Variants in TMEM117 observed in about 807,000 individuals in gnomAD.
TMEM117 encodes the protein transmembrane protein 117.
A neutral mutation model predicts 52.4 loss-of-function variants in TMEM117; 27 were observed. The observed-to-expected ratio is 0.51, with a 90% confidence interval of 0.38 to 0.71. TMEM117 has a LOEUF of 0.71. TMEM117 is among the 30% of genes least tolerant of loss of function. The pLI is 0.00. For synonymous variants in TMEM117, 215 were observed against 206.3 expected (o/e 1.04, Z -0.36); for missense variants, 556 against 630.5 (o/e 0.88, Z 1.26).
intron 4 of TMEM117, among the ~76,000 whole-genome samples, chr12:44,207,421 A>G (rs1949583900): frequency 6.6e-6 from 1 of 152,218 alleles, no homozygotes; most frequent in African/African-American, 2.4e-5. Flanking sequence ...CAGAATGTCA[A>G]TTAATACTCA....
At chr12:44,201,680 C>T (rs544823513) in intron 4 of TMEM117, among the ~76,000 whole-genome samples, 2 of 152,238 alleles carry the variant, frequency 1.3e-5, no homozygotes, top group African/African-American at 2.4e-5. Context: ...GGAATGCCTC[C>T]AGTTTCTTAA....
At chr12:44,298,058 A>T (rs1404117196) in intron 5 of TMEM117, among the ~76,000 whole-genome samples, 1 of 142,918 alleles carries the variant, frequency 7.0e-6, no homozygotes, top group Non-Finnish European at 1.5e-5. Flanking sequence ...CTAAAATTTT[A>T]AAAAATAATG....
At chr12:43,881,082 G>A (rs957368193) in intron 2 of TMEM117, among the ~76,000 whole-genome samples, 12 of 152,276 alleles carry the variant, frequency 7.9e-5, no homozygotes, top group Non-Finnish European at 1.5e-4. Flanking sequence ...TTATACACAT[G>A]ACATGTACTA....
chr12:43,975,664 G>A (rs1376462141), intron 3 of TMEM117, among the ~76,000 whole-genome samples: 1 of 152,186 alleles, frequency 6.6e-6, no homozygotes, highest in African/African-American at 2.4e-5. Flanking sequence ...CATAGGATTA[G>A]TGTGGTGATT....
At chr12:44,255,024 T>C (rs1254032362) in intron 5 of TMEM117, among the ~76,000 whole-genome samples, 1 of 152,220 alleles carries the variant, frequency 6.6e-6, no homozygotes, top group African/African-American at 2.4e-5. Context: ...TTCCATGGTG[T>C]ATATATGCCA....
At chr12:43,925,609 C>T (rs1363002212) in intron 2 of TMEM117, among the ~76,000 whole-genome samples, 5 of 152,156 alleles carry the variant, frequency 3.3e-5, no homozygotes, top group African/African-American at 1.2e-4. Flanking sequence ...AGGGTTTCCA[C>T]ATTTATAAGC....
rs140228044 is a variant in TMEM117 at position 44,280,660 on chromosome 12, A to C, written c.609-18920A>C. ...GGGCAGAGGTCATTCCCATGTCTCTATATTTTAGCTCTGTGTCTTTATCAT... is the reference window on the plus strand; with the variant it reads ...GGGCAGAGGTCATTCCCATGTCTCTCTATTTTAGCTCTGTGTCTTTATCAT... On this transcript the variant is annotated intron_variant, in intron 5 of 7. Transcript: ENST00000266534. Among the ~76,000 whole-genome samples the C allele has an allele frequency of 1.5e-3, 231 of 152,238 alleles. 3 individuals carry two copies. Among genetic ancestry groups the C allele is most frequent in the African/African-American group, 5.2e-3 (216 of 41,528 alleles).
At chr12:43,840,273 A>G (rs1332850255) in intron 1 of TMEM117, among the ~76,000 whole-genome samples, 2 of 152,190 alleles carry the variant, frequency 1.3e-5, no homozygotes, top group Non-Finnish European at 2.9e-5. Context: ...CTCTGTTGCA[A>G]TATTTGTAAA....
At chr12:44,380,778 T>C (rs1189672742) in intron 7 of TMEM117, among the ~76,000 whole-genome samples, 1 of 152,196 alleles carries the variant, frequency 6.6e-6, no homozygotes, top group Non-Finnish European at 1.5e-5. Context: ...CCAGAGATTG[T>C]CTTTCCTATT....
At chr12:44,153,408 T>C (rs1055842577) in intron 4 of TMEM117, among the ~76,000 whole-genome samples, 9 of 151,618 alleles carry the variant, frequency 5.9e-5, no homozygotes, top group African/African-American at 2.2e-4. Flanking sequence ...TTTGGTTCAA[T>C]TTTTTTTTCT....
chr12:43,948,016 G>T (rs192454360), intron 3 of TMEM117, among the ~76,000 whole-genome samples: 1 of 152,092 alleles, frequency 6.6e-6, no homozygotes, highest in Non-Finnish European at 1.5e-5. Context: ...TATCTAGACC[G>T]GAACCTCAAG....
intron 4 of TMEM117, among the ~76,000 whole-genome samples, chr12:44,191,050 C>T (rs1949346169): frequency 6.6e-6 from 1 of 151,666 alleles, no homozygotes; most frequent in Non-Finnish European, 1.5e-5. Context: ...TTAATTAACT[C>T]ACAACTCAGC....
intron 2 of TMEM117, among the ~76,000 whole-genome samples, chr12:43,931,038 A>G (rs539898721): frequency 1.3e-5 from 2 of 152,352 alleles, no homozygotes; most frequent in South Asian, 4.1e-4. Flanking sequence ...TTCACTGAGT[A>G]ATGATCACCA....
chr12:43,936,958 G>A (rs554406562), intron 2 of TMEM117, among the ~76,000 whole-genome samples: 1 of 152,228 alleles, frequency 6.6e-6, no homozygotes, highest in Admixed American at 6.5e-5. Context: ...CTCAGAGGTG[G>A]AGAAAAAAGA....
chr12:44,223,991 C>T (rs570246217), intron 5 of TMEM117, among the ~76,000 whole-genome samples: 2 of 152,276 alleles, frequency 1.3e-5, no homozygotes, highest in African/African-American at 4.8e-5. Flanking sequence ...TTTATTAACT[C>T]TGTGTGGGCT....
chr12:44,200,051 G>A (rs1949473964), intron 4 of TMEM117, among the ~76,000 whole-genome samples: 1 of 152,138 alleles, frequency 6.6e-6, no homozygotes, highest in African/African-American at 2.4e-5. Flanking sequence ...CCCTGGAGAT[G>A]GAGGTTGCAG....
At chr12:44,212,964 A>G (rs899176566) in intron 5 of TMEM117, among the ~76,000 whole-genome samples, 5 of 152,148 alleles carry the variant, frequency 3.3e-5, no homozygotes, top group Non-Finnish European at 7.4e-5. Context: ...TGGATTTTCA[A>G]TACTGTTATG....
At chr12:43,895,727 C>G (rs1316524661) in intron 2 of TMEM117, among the ~76,000 whole-genome samples, 1 of 152,124 alleles carries the variant, frequency 6.6e-6, no homozygotes, top group Non-Finnish European at 1.5e-5. Context: ...CTCTTTGTTT[C>G]CAGGGCAGTG....
At chr12:44,106,769 A>G (rs1161146578) in intron 3 of TMEM117, among the ~76,000 whole-genome samples, 1 of 152,028 alleles carries the variant, frequency 6.6e-6, no homozygotes, top group African/African-American at 2.4e-5. Context: ...AGTTACAGAT[A>G]TTGAGTATTT....
Sources: gnomAD v4.1 joint callset for allele counts (sites outside exome capture counted in the v4.1 genomes callset) on GRCh38, gnomAD v4.1.1 for gene constraint, MANE v1.5 for transcripts, NCBI Gene and HGNC (gene_info 2026-07-23, HGNC 2026-07-21) for gene names.